TANC2: variants seen among roughly 807,000 people sequenced by gnomAD.
TANC2 encodes tetratricopeptide repeat, ankyrin repeat and coiled-coil containing 2.
Under a neutral mutation model 210.5 loss-of-function variants are expected in TANC2, and 26 were observed. That is an observed-to-expected ratio of 0.12 (90% CI 0.09 to 0.17). The LOEUF is 0.17. Ranked by LOEUF, TANC2 falls within the 10% of genes least tolerant of loss-of-function variation. The probability of loss-of-function intolerance (pLI) is 1.00; values close to 1 mark genes in which losing one functional copy is unlikely to be tolerated. For missense variants in TANC2, 2,129 were observed against 2,608.9 expected, an observed-to-expected ratio of 0.82 and a Z score of 4.01; for synonymous variants, 931 against 967.1, an observed-to-expected ratio of 0.96 and a Z score of 0.69.
intron 12 of TANC2, among the ~76,000 whole-genome samples, chr17:63,349,425 T>C (rs1234580720): frequency 6.6e-6 from 1 of 152,178 alleles, no homozygotes; most frequent in Non-Finnish European, 1.5e-5. Context: ...TGGAAAATCA[T>C]GACTTTCTTA....
intron 24 of TANC2, 79 bp from the exon 25 acceptor site, chr17:63,413,463 AG>A (rs1190143763): frequency 9.1e-7 from 1 of 1,093,292 alleles, no homozygotes; most frequent in Non-Finnish European, 1.3e-6. Flanking sequence ...AAATTCCCCT[AG>A]GGTATTTTTT....
At chr17:63,001,378 C>T (rs192441963) in intron 1 of TANC2, among the ~76,000 whole-genome samples, 1 of 152,168 alleles carries the variant, frequency 6.6e-6, no homozygotes, top group Admixed American at 6.5e-5. Context: ...TTTTATTATG[C>T]CCCTTCTTTA....
intron 12 of TANC2, among the ~76,000 whole-genome samples, chr17:63,346,205 G>A (rs1169013430): frequency 6.6e-6 from 1 of 152,076 alleles, no homozygotes; most frequent in Non-Finnish European, 1.5e-5. Context: ...CACAAACTTG[G>A]AATAGGTAAA....
At chr17:63,411,890 T>A in intron 22 of TANC2, 108 bp from the exon 23 acceptor site, 4 of 1,513,850 alleles carry the variant, frequency 2.6e-6, no homozygotes, top group Non-Finnish European at 3.6e-6. Context: ...CAGCATAGCC[T>A]GGGGTAGGCC....
chr17:63,229,004 G>T (rs1029790789), intron 7 of TANC2, among the ~76,000 whole-genome samples: 5 of 152,248 alleles, frequency 3.3e-5, no homozygotes, highest in Middle Eastern at 6.8e-3. Context: ...CTTGTCTTGT[G>T]CCGGTTTTCA....
chr17:63,420,097 G>A lies in TANC2; in HGVS notation c.4367G>A (p.Cys1456Tyr). The A allele has an allele frequency of 6.4e-7, 1 of 1,552,174 alleles. No individual in the cohort carries two copies. The highest frequency in any genetic ancestry group is 8.7e-7 in the Non-Finnish European group (1 of 1,147,182). Reference sequence around the variant, plus strand: ...CTTCTGCTGAGAGTGGAAGAAGAGTGTAGACAGATGCAGCAGCCACAGCAG... The same window carrying A: ...CTTCTGCTGAGAGTGGAAGAAGAGTATAGACAGATGCAGCAGCCACAGCAG... Residue 1456 changes from cysteine (C) to tyrosine (Y), a missense_variant, in exon 28 of 28, where the codon TGT becomes TAT. By Grantham distance (194) the Cys-to-Tyr change is radical. Around this residue, in one of 5 missense-constraint regions of TANC2, gnomAD observed 584 missense variants for 627.3 expected, o/e 0.93. Coordinates refer to ENST00000689528, the Ensembl canonical transcript of TANC2. This position sits in a 1 kb window ranked among gnomAD's most constrained non-coding sequence, Gnocchi z 4.2.
intron 4 of TANC2, among the ~76,000 whole-genome samples, chr17:63,138,905 A>G (rs370173220): frequency 8.5e-5 from 13 of 152,350 alleles, no homozygotes; most frequent in African/African-American, 3.1e-4. Flanking sequence ...GATTCTTCAC[A>G]GATTACACGT....
rs762174901 is a variant in TANC2, at chr17:63,411,988, C to T, written c.3766-10C>T. ...CCTGTCCTAACTTCTCTGCTTGATC[C>T]GTGTCCTAGGTCCAGTTCCTGGTAG... On this transcript the variant is annotated splice_polypyrimidine_tract_variant and intron_variant, in intron 22 of 27. Transcript: ENST00000689528. 17 of 1,613,750 alleles carry T rather than the reference C, an allele frequency of 1.1e-5. No individual in the cohort carries two copies. Among genetic ancestry groups the T allele is most frequent in the East Asian group, 2.2e-5 (1 of 44,838 alleles).
chr17:63,083,922 C>T (rs1251917176), intron 3 of TANC2, among the ~76,000 whole-genome samples: 3 of 152,096 alleles, frequency 2.0e-5, no homozygotes, highest in South Asian at 2.1e-4. Flanking sequence ...TTTGCACGTA[C>T]GTTCATGAGA....
chr17:63,270,245 G>T (rs1391548913), intron 9 of TANC2, among the ~76,000 whole-genome samples: 1 of 152,128 alleles, frequency 6.6e-6, no homozygotes, highest in Non-Finnish European at 1.5e-5. Flanking sequence ...ATTGTTTACA[G>T]ATGAATTGTA....
intron 4 of TANC2, among the ~76,000 whole-genome samples, chr17:63,143,010 T>C (rs1006742223): frequency 1.3e-5 from 2 of 152,158 alleles, no homozygotes; most frequent in Non-Finnish European, 2.9e-5. Context: ...CTGGACACTG[T>C]CTTAATTATG....
In TANC2 at chr17:63,331,363, C is replaced by G. The variant is rs1034472884; in HGVS notation, c.1576-8738C>G. Among the ~76,000 whole-genome samples the G allele has an allele frequency of 1.1e-4, 16 of 152,314 alleles. No homozygotes were observed. In the South Asian group the frequency reaches 3.1e-3, roughly 30 times the overall value. ...TACTAGTATAAACAGTGCAAATGGT[C>G]TAAAGGCTTTTAGTGTACTTTACCA... On this transcript the variant is annotated intron_variant, in intron 11 of 27. Coordinates refer to ENST00000689528, the Ensembl canonical transcript of TANC2.
chr17:63,113,870 A>G (rs2038149027), intron 4 of TANC2, among the ~76,000 whole-genome samples: 1 of 152,190 alleles, frequency 6.6e-6, no homozygotes, highest in African/African-American at 2.4e-5. Flanking sequence ...CTTTGTTTAG[A>G]TAGCACAATG....
At chr17:63,015,744 A>T (rs924451318) in intron 2 of TANC2, among the ~76,000 whole-genome samples, 2 of 594 alleles carry the variant, frequency 3.4e-3, no homozygotes, top group African/African-American at 4.3e-3. Context: ...AAATTTTCTT[A>T]AAAAAAAACC....
At chr17:63,101,615 G>T (rs964347062) in intron 4 of TANC2, among the ~76,000 whole-genome samples, 1 of 152,242 alleles carries the variant, frequency 6.6e-6, no homozygotes, top group Admixed American at 6.5e-5. Flanking sequence ...ATGATAGAGT[G>T]GTGAAAAGGA....
chr17:63,139,105 T>C (rs1243469423), intron 4 of TANC2, among the ~76,000 whole-genome samples: 1 of 152,238 alleles, frequency 6.6e-6, no homozygotes, highest in Non-Finnish European at 1.5e-5. Flanking sequence ...ATTGCTCAAA[T>C]AATTATGTCT....
intron 14 of TANC2, among the ~76,000 whole-genome samples, chr17:63,375,288 ATCT>A (rs1456168045): frequency 2.6e-5 from 4 of 152,230 alleles, no homozygotes; most frequent in Non-Finnish European, 5.9e-5. Flanking sequence ...TGCCACCTTC[ATCT>A]TATCCTTGAC....
intron 14 of TANC2, 72 bp from the exon 15 acceptor site, chr17:63,379,646 G>T (rs1225800646): frequency 8.1e-7 from 1 of 1,239,106 alleles, no homozygotes; most frequent in Non-Finnish European, 1.1e-6. Context: ...TCTAGTCTGG[G>T]CAACAGAGTG....
chr17:63,004,350 G>C (rs1033709677), intron 1 of TANC2, among the ~76,000 whole-genome samples: 1 of 152,170 alleles, frequency 6.6e-6, no homozygotes, highest in African/African-American at 2.4e-5. Flanking sequence ...AAGGTGGAAA[G>C]GGAGAAGAGG....
Sources: gnomAD v4.1 joint callset for allele counts (sites outside exome capture counted in the v4.1 genomes callset) on GRCh38, gnomAD v4.1.1 for gene constraint, gnomAD v4.1.1 regional missense constraint, Gnocchi (gnomAD v3.1) non-coding constraint, MANE v1.5 for transcripts, NCBI Gene and HGNC (gene_info 2026-07-23, HGNC 2026-07-21) for gene names.